The following NOTCH1 variants were observed in gnomAD, a reference collection of about 807,000 sequenced individuals.
The protein encoded by NOTCH1 is notch receptor 1, also known as neurogenic locus notch homolog protein 1.
NOTCH1 carries 37 observed loss-of-function variants against 254.8 expected under a neutral mutation model. The ratio of observed to expected loss-of-function variants is 0.15; its 90% CI spans 0.11 to 0.19. The LOEUF (loss-of-function observed/expected upper bound fraction) is 0.19, where lower values mean the gene tolerates loss of function less well. Ranked by LOEUF, NOTCH1 falls within the 10% of genes least tolerant of loss-of-function variation. The pLI, the probability that NOTCH1 is intolerant of heterozygous loss-of-function variation, is 1.00. For missense variants in NOTCH1, 2,972 were observed against 3,708.6 expected (o/e 0.80, Z 5.16); for synonymous variants, 1,731 against 1,618.1 (o/e 1.07, Z -1.68).
intron 2 of NOTCH1, among the ~76,000 whole-genome samples, chr9:136,539,563 A>AT (rs1843702377): frequency 6.6e-6 from 1 of 152,016 alleles, no homozygotes; most frequent in South Asian, 2.1e-4. Flanking sequence ...TAATTTTTGT[A>AT]TTTTTAGTAG....
At chr9:136,497,710 C>A (rs1842940189) in intron 33 of NOTCH1, 152 bp from the exon 34 acceptor site, 1 of 639,576 alleles carries the variant, frequency 1.6e-6, no homozygotes, top group Non-Finnish European at 2.7e-6. Flanking sequence ...CAGCGTCCTG[C>A]AACCACCTAG....
rs747037396 is a variant in NOTCH1, at chr9:136,503,231, G to A, written c.5118C>T (p.Leu1706=). Residue 1706 remains leucine, a synonymous_variant, in exon 27 of 34, where the codon CTC becomes CTT. Transcript: ENST00000651671. ...GGATGTTGAGGCTGCCCAGCGAGGC[G>A]AGCGCTCCCAGGAATGCGGCCACGT... The part of the protein sequence containing the change: ...ATDVAAFLGA[L]ASLGSLNIPY... The A allele has an allele frequency of 1.2e-5, 19 of 1,612,716 alleles. No homozygotes were observed. In the African/African-American group the frequency reaches 1.7e-4, roughly 15 times the overall value.
intron 18 of NOTCH1, among the ~76,000 whole-genome samples, 166 bp from the exon 19 acceptor site, chr9:136,509,237 G>A (rs1036476938): frequency 3.9e-5 from 6 of 152,186 alleles, no homozygotes; most frequent in African/African-American, 1.2e-4. Flanking sequence ...GTGGGAACCC[G>A]GGGCCCGGCT....
At position 136,507,422 on chromosome 9, in the gene NOTCH1, G is replaced by C; in HGVS notation, c.3526C>G (p.His1176Asp). ...GYSCKCVAGYHGVNCSEEIDE... is the reference protein window; with the variant it reads ...GYSCKCVAGYDGVNCSEEIDE... ...ATCTCCTCAGAGCAGTTCACCCCGT[G>C]GTAGCCGGCCACGCACTGTGCAGGC... Residue 1176 changes from histidine (H) to aspartate (D), a missense_variant, in exon 22 of 34, where the codon CAC becomes GAC. Physicochemically the swap from His to Asp is moderately conservative, Grantham distance 81. This residue lies in a region of NOTCH1 where 1,343 missense variants were observed against 1,557.0 expected (regional missense o/e 0.86). Transcript: ENST00000651671. The C allele has an allele frequency of 6.2e-7, 1 of 1,608,558 alleles. No homozygotes were observed. Among genetic ancestry groups the C allele is most frequent in the Non-Finnish European group, 8.5e-7 (1 of 1,178,214 alleles).
intron 15 of NOTCH1, among the ~76,000 whole-genome samples, chr9:136,512,031 G>A (rs889699021): frequency 6.6e-6 from 1 of 152,204 alleles, no homozygotes; most frequent in Non-Finnish European, 1.5e-5. Flanking sequence ...CTTCCTATTG[G>A]TTTCCACGGT....
chr9:136,544,930 C>T (rs1208999759), intron 1 of NOTCH1, among the ~76,000 whole-genome samples: 1 of 152,210 alleles, frequency 6.6e-6, no homozygotes, highest in Non-Finnish European at 1.5e-5. Flanking sequence ...TGACACAGAG[C>T]CGCACTTTCT....
Position 136,496,806 on chromosome 9 carries a change from C to G in NOTCH1, c.6933G>C (p.Leu2311=), listed in dbSNP as rs1244694009. 3 of 1,612,934 alleles carry G rather than the reference C, an allele frequency of 1.9e-6. No homozygotes were observed. Among genetic ancestry groups the G allele is most frequent in the African/African-American group, 1.3e-5 (1 of 75,070 alleles). Residue 2311 remains leucine, a synonymous_variant, in exon 34 of 34, where the codon CTG becomes CTC. Coordinates refer to ENST00000651671, the MANE Select transcript of NOTCH1 (RefSeq NM_017617.5). The part of the protein sequence containing the change: ...STSLNGQCEW[L]SRLQSGMVPN... ...GCACCATGCCGCTCTGCAGCCGGGACAGCCACTCGCATTGACCATTCAAAC... is the reference window on the plus strand; with the variant it reads ...GCACCATGCCGCTCTGCAGCCGGGAGAGCCACTCGCATTGACCATTCAAAC...
In NOTCH1 at chr9:136,514,586, G is replaced by T. The variant is rs2133360763; in HGVS notation, c.2131C>A (p.Pro711Thr). 6.2e-7 allele frequency: 1 copy of T among 1,608,420 alleles called. No individual in the cohort carries two copies. Residue 711 changes from proline to threonine, a missense_variant, in exon 13 of 34, where the codon CCC becomes ACC. Pro to Thr is a conservative substitution (Grantham distance 38). Coordinates refer to ENST00000651671, the MANE Select transcript of NOTCH1 (RefSeq NM_017617.5). ...TCRCPEGYHD[P>T]TCLSEVNECN... ...TCATTGACCTCAGACAGGCAGGTGG[G>T]GTCGTGGTAGCCCTCGGGGCAGCGG... is the stretch of plus-strand genomic sequence containing the variant.
intron 5 of NOTCH1, among the ~76,000 whole-genome samples, chr9:136,519,084 G>A (rs993018564): frequency 6.6e-6 from 1 of 152,222 alleles, no homozygotes; most frequent in Non-Finnish European, 1.5e-5. Context: ...CCGAACACAG[G>A]GCCTGTCTGT....
rs1007243440 is a variant in NOTCH1 at position 136,545,947 on chromosome 9, GGCCCGGCTCCGC to G, written c.-173_-162del. On this transcript the variant is annotated 5_prime_UTR_variant, in exon 1 of 34. Coordinates refer to ENST00000651671, the MANE Select transcript of NOTCH1 (RefSeq NM_017617.5). The surrounding 1 kb of genome is among the most constrained non-coding windows in gnomAD (Gnocchi z 6.8). ...GGCGCTGTGCTCTCGCAGGCCCCCG[GGCCCGGCTCCGC>G]GCCCGGCTCGTTCCTTCGCTGCGCT... 2.4e-4 allele frequency among the ~76,000 whole-genome samples: 36 copies of G among 147,902 alleles called. No individual in the cohort carries two copies. The highest frequency in any genetic ancestry group is 4.5e-4 in the Non-Finnish European group (30 of 66,408).
intron 2 of NOTCH1, among the ~76,000 whole-genome samples, chr9:136,528,399 G>C (rs796425280): frequency 1.8e-3 from 29 of 15,974 alleles, no homozygotes; most frequent in East Asian, 6.0e-3. Flanking sequence ...CAGTGGGGGG[G>C]GATGGGCAGG....
In NOTCH1 at chr9:136,540,978, A is replaced by G. The variant is rs1477765835; in HGVS notation, c.140+3046T>C. On this transcript the variant is annotated intron_variant, in intron 2 of 33. Transcript: ENST00000651671. The surrounding 1 kb of genome is among the most constrained non-coding windows in gnomAD (Gnocchi z 4.4). ...GCAGCTCTTCCCAGCTCTCCTCAAA[A>G]CAAAGAGAAAAAAGGTGGAGCCCTC... Among the ~76,000 whole-genome samples, 1 of 152,050 alleles carries G rather than the reference A, an allele frequency of 6.6e-6. No individual in the cohort carries two copies. Among genetic ancestry groups the G allele is most frequent in the Admixed American group, 6.6e-5 (1 of 15,260 alleles).
rs775187426 is a variant in NOTCH1, at chr9:136,505,871, C to T, written c.4025G>A (p.Gly1342Asp). ...ACGAGCGTCATTCTCACACGTGGCG[C>T]CCTCGAAGCCCTGCCCGAGAGGGAA... ...FICKCPAGFE[G>D]ATCENDARTC... Residue 1342 changes from glycine (G) to aspartate (D), a missense_variant, in exon 25 of 34, where the codon GGC (glycine) becomes GAC (aspartate). Transcript: ENST00000651671. 6.9e-6 allele frequency: 11 copies of T among 1,589,500 alleles called. No individual in the cohort carries two copies. Among genetic ancestry groups the T allele is most frequent in the Non-Finnish European group, 9.4e-6 (11 of 1,176,296 alleles).
At position 136,534,433 on chromosome 9, in the gene NOTCH1, C is replaced by T. The variant is rs562576507; in HGVS notation, c.140+9591G>A. Among the ~76,000 whole-genome samples the T allele has an allele frequency of 1.1e-4, 17 of 152,296 alleles. No individual in the cohort carries two copies. The South Asian group carries it at 2.5e-3, about 22-fold the overall frequency. On this transcript the variant is annotated intron_variant, in intron 2 of 33. Coordinates refer to ENST00000651671, the MANE Select transcript of NOTCH1 (RefSeq NM_017617.5). The stretch of plus-strand genomic sequence containing the variant: ...TCTGCCAATTAGAGCAAGGTCGGGG[C>T]GTGTCACCAACCTCAGTGCCAGGCG...
intron 27 of NOTCH1, 147 bp downstream of exon 27, chr9:136,503,035 A>G: frequency 8.2e-7 from 1 of 1,212,612 alleles, no homozygotes. Context: ...TGCCATTCAG[A>G]AAATTCCAGA....
At chr9:136,500,198 G>A (rs1426888233) in intron 31 of NOTCH1, among the ~76,000 whole-genome samples, 1 of 152,222 alleles carries the variant, frequency 6.6e-6, no homozygotes, top group Non-Finnish European at 1.5e-5. Context: ...CCAAGGTTGA[G>A]GGAGGGGCGG....
rs1375287179 is a variant in NOTCH1 at position 136,502,358 on chromosome 9, C to T, written c.5298G>A (p.Gln1766=). The change falls in exon 28 of 34, where the codon CAG becomes CAA. Residue 1766 remains glutamine (Q), a synonymous_variant. Transcript: ENST00000651671. ...CTTTGAAGCCCTCAGGGAACCAGAG[C>T]TGGCCATGCTGCCGCCGGCGCTTGC... ...LSRKRRRQHG[Q]LWFPEGFKVS... is the part of the protein sequence containing the mutation. The T allele has an allele frequency of 6.2e-7, 1 of 1,612,456 alleles. No homozygotes were observed. The highest frequency in any genetic ancestry group is 8.5e-7 in the Non-Finnish European group (1 of 1,179,798).
At chr9:136,502,215 C>T (rs1339195471) in intron 28 of NOTCH1, 57 bp downstream of exon 28, 9 of 1,508,516 alleles carry the variant, frequency 6.0e-6, no homozygotes, top group East Asian at 2.4e-5. Context: ...GGTGAGGATG[C>T]TCGGCCAGGT....
intron 17 of NOTCH1, among the ~76,000 whole-genome samples, chr9:136,510,240 G>A (rs1359545810): frequency 1.3e-5 from 2 of 152,216 alleles, no homozygotes; most frequent in African/African-American, 4.8e-5. Context: ...CAGGGGAGGA[G>A]AGACAGTTCT....
Sources: gnomAD v4.1 joint callset for allele counts (sites outside exome capture counted in the v4.1 genomes callset) on GRCh38, gnomAD v4.1.1 for gene constraint, gnomAD v4.1.1 regional missense constraint, Gnocchi (gnomAD v3.1) non-coding constraint, MANE v1.5 for transcripts, NCBI Gene and HGNC (gene_info 2026-07-23, HGNC 2026-07-21) for gene names.